OGA: variants seen among roughly 807,000 people sequenced by gnomAD.
OGA encodes the protein O-GlcNAcase.
OGA carries 21 observed loss-of-function variants against 102.0 expected under a neutral mutation model. That is an observed-to-expected ratio of 0.21 (90% confidence interval 0.15 to 0.30). The LOEUF is 0.30. Ranked by LOEUF, OGA falls within the 10% of genes least tolerant of loss-of-function variation. The pLI is 1.00. For synonymous variants in OGA, 408 were observed against 378.2 expected, an observed-to-expected ratio of 1.08 and a Z score of -0.91; for missense variants, 765 against 1,107.8, an observed-to-expected ratio of 0.69 and a Z score of 4.39.
intron 5 of OGA, among the ~76,000 whole-genome samples, chr10:101,807,233 A>T (rs2065488419): frequency 6.6e-6 from 1 of 152,194 alleles, no homozygotes. Context: ...AGCAACTAAG[A>T]GACTAAAATA....
chr10:101,812,671 T>C (rs1222458599), intron 3 of OGA: 1 of 261,614 alleles, frequency 3.8e-6, no homozygotes, highest in Non-Finnish European at 7.6e-6. Context: ...GGGGGTCCCT[T>C]AAAATTTGCA....
At chr10:101,807,426 G>A (rs1006636858) in intron 5 of OGA, among the ~76,000 whole-genome samples, 18 of 152,130 alleles carry the variant, frequency 1.2e-4, no homozygotes. Flanking sequence ...TAAGGTAAAA[G>A]CAATGTAATT....
At chr10:101,811,406 GAAAAA>G (rs67433227) in intron 3 of OGA, among the ~76,000 whole-genome samples, 15 of 45,684 alleles carry the variant, frequency 3.3e-4, no homozygotes, top group Middle Eastern at 0.022. Flanking sequence ...GAAAAAAAAT[GAAAAA>G]AAAAAAAAAA....
intron 1 of OGA, among the ~76,000 whole-genome samples, chr10:101,816,660 T>C (rs1028945253): frequency 2.0e-5 from 3 of 152,252 alleles, no homozygotes; most frequent in African/African-American, 7.2e-5. Flanking sequence ...GAATACTATA[T>C]AGCAGTTTTC....
intron 10 of OGA, among the ~76,000 whole-genome samples, chr10:101,796,865 C>A (rs2065323363): frequency 6.6e-6 from 1 of 152,088 alleles, no homozygotes; most frequent in Non-Finnish European, 1.5e-5. Flanking sequence ...GCTGGGATTA[C>A]AGGGGTGAGC....
At chr10:101,792,392 C>T (rs1453838877) in intron 12 of OGA, among the ~76,000 whole-genome samples, 1 of 152,194 alleles carries the variant, frequency 6.6e-6, no homozygotes, top group Non-Finnish European at 1.5e-5. Flanking sequence ...TTGCCCACCT[C>T]GGCCTCCCAA....
chr10:101,799,268 A>G lies in OGA; in HGVS notation c.1383T>C (p.Asp461=). ...CCACCACCATGTCCATGGGTTCTTC[A>G]TCAGGCTGTTTCTTTTCTTCTTCCT... ...LTKEEEKKQP[D]EEPMDMVVEK... is the part of the protein sequence containing the mutation. Residue 461 remains aspartate (D), a synonymous_variant, in exon 9 of 16, where the codon GAT becomes GAC. Transcript: ENST00000361464. 6.2e-7 allele frequency: 1 copy of G among 1,614,080 alleles called. No individual in the cohort carries two copies. The highest frequency in any genetic ancestry group is 8.5e-7 in the Non-Finnish European group (1 of 1,180,008).
At chr10:101,793,680 G>A (rs2065283711) in intron 11 of OGA, 1 of 426,372 alleles carries the variant, frequency 2.3e-6, no homozygotes, top group African/African-American at 2.0e-5. Context: ...AATGTGAAGT[G>A]TATACCTAGA....
At chr10:101,811,608 C>T (rs191672086) in intron 3 of OGA, among the ~76,000 whole-genome samples, 16 of 151,622 alleles carry the variant, frequency 1.1e-4, no homozygotes, top group Admixed American at 8.6e-4. Flanking sequence ...GGGACTGAGG[C>T]GGGAGGATTG....
At chr10:101,812,409 A>AAAAAC (rs569968527) in intron 3 of OGA, among the ~76,000 whole-genome samples, 131 of 152,088 alleles carry the variant, frequency 8.6e-4, no homozygotes, top group Non-Finnish European at 1.6e-3. Context: ...CTCTGTCTCA[A>AAAAAC]AAAACAAAAC....
At chr10:101,807,469 C>T (rs1031598606) in intron 5 of OGA, among the ~76,000 whole-genome samples, 3 of 152,152 alleles carry the variant, frequency 2.0e-5, no homozygotes, top group Non-Finnish European at 4.4e-5. Flanking sequence ...TCAATACTAT[C>T]CCTCTTTTAA....
intron 1 of OGA, among the ~76,000 whole-genome samples, chr10:101,814,003 T>C (rs188709132): frequency 3.9e-5 from 6 of 152,272 alleles, no homozygotes; most frequent in Admixed American, 2.0e-4. Context: ...TAACAATTAC[T>C]TCCTAGAATG....
At chr10:101,815,129 A>AT (rs2135100415) in intron 1 of OGA, among the ~76,000 whole-genome samples, 1 of 152,348 alleles carries the variant, frequency 6.6e-6, no homozygotes, top group South Asian at 2.1e-4. Flanking sequence ...TCTGCAATGT[A>AT]TTTTAGCTCC....
At chr10:101,816,547 C>G (rs1333553125) in intron 1 of OGA, among the ~76,000 whole-genome samples, 1 of 152,214 alleles carries the variant, frequency 6.6e-6, no homozygotes, top group Admixed American at 6.5e-5. Flanking sequence ...CATCCCCACT[C>G]CAAGATCTTT....
At chr10:101,790,190 C>T (rs1190460669) in intron 14 of OGA, among the ~76,000 whole-genome samples, 1 of 151,390 alleles carries the variant, frequency 6.6e-6, no homozygotes. Flanking sequence ...AGTTATTAAC[C>T]TTCTGAGAAA....
intron 12 of OGA, among the ~76,000 whole-genome samples, chr10:101,792,286 G>A (rs2065269164): frequency 6.6e-6 from 1 of 152,180 alleles, no homozygotes; most frequent in East Asian, 1.9e-4. Context: ...GGGATTACAG[G>A]CATGAGCCAC....
At chr10:101,815,961 GAGAA>G (rs1589843645) in intron 1 of OGA, among the ~76,000 whole-genome samples, 1 of 23,790 alleles carries the variant, frequency 4.2e-5, no homozygotes, top group African/African-American at 2.2e-4. Flanking sequence ...ATCAAAAAGA[GAGAA>G]AAAAAAAAAA....
rs1185344174 is a variant in OGA, at chr10:101,815,961, G to GAAAAAAAAAAAAAAAAA, written c.199+1862_199+1863insTTTTTTTTTTTTTTTTT. Among the ~76,000 whole-genome samples the GAAAAAAAAAAAAAAAAA allele has an allele frequency of 8.4e-5, 2 of 23,790 alleles. 1 individual carries two copies. The allele number at this position is 23,790 out of a possible 152,430, so 15.6% of individuals were successfully genotyped here. A position where few individuals can be genotyped will look rare whatever the true frequency, so the allele number is the denominator to read the frequency against. On this transcript the variant is annotated intron_variant, in intron 1 of 15. Coordinates refer to ENST00000361464, the MANE Select transcript of OGA (RefSeq NM_012215.5). ...TGCCAACCAAGAGGTATCAAAAAGA[G>GAAAAAAAAAAAAAAAAA]AGAAAAAAAAAAAAAAAAAAAAAAA... is the stretch of plus-strand genomic sequence containing the variant.
chr10:101,791,485 C>G, intron 12 of OGA, 46 bp from the exon 13 acceptor site: 1 of 1,474,240 alleles, frequency 6.8e-7, no homozygotes. Flanking sequence ...AAAATGGCAG[C>G]AGAATCTAAC....
Sources: allele counts gnomAD v4.1 joint callset (sites outside exome capture counted in the v4.1 genomes callset), GRCh38; gene constraint gnomAD v4.1.1; transcripts MANE v1.5; gene names NCBI Gene and HGNC (gene_info 2026-07-23, HGNC 2026-07-21).